DLG2: variants seen among roughly 807,000 people sequenced by gnomAD.
DLG2 encodes discs large MAGUK scaffold protein 2.
A neutral mutation model predicts 132.5 loss-of-function variants in DLG2; 45 were observed. That is an observed-to-expected ratio of 0.34 (90% confidence interval 0.27 to 0.44). DLG2 has a LOEUF of 0.44. DLG2 is among the 20% of genes least tolerant of loss of function. The pLI is 1.00. For synonymous variants in DLG2, 424 were observed against 419.6 expected (o/e 1.01, Z -0.13); for missense variants, 1,045 against 1,196.9 (o/e 0.87, Z 1.87).
chr11:85,366,821 A>C (rs2084593312), intron 3 of DLG2, among the ~76,000 whole-genome samples: 1 of 152,144 alleles, frequency 6.6e-6, no homozygotes, highest in East Asian at 1.9e-4. Context: ...AGTCTTGAAT[A>C]CTATTAATCT....
chr11:83,927,025 C>A (rs573275279), intron 15 of DLG2, among the ~76,000 whole-genome samples: 18 of 152,212 alleles, frequency 1.2e-4, no homozygotes. Flanking sequence ...AAAGTAAGTT[C>A]TAGTTATTAT....
At chr11:85,426,010 G>T (rs1291543389) in intron 3 of DLG2, among the ~76,000 whole-genome samples, 1 of 152,186 alleles carries the variant, frequency 6.6e-6, no homozygotes, top group African/African-American at 2.4e-5. Flanking sequence ...TGATTCGGAG[G>T]GTCCTACCCC....
At chr11:84,752,180 G>C (rs910392437) in intron 6 of DLG2, among the ~76,000 whole-genome samples, 1 of 152,176 alleles carries the variant, frequency 6.6e-6, no homozygotes, top group Non-Finnish European at 1.5e-5. Context: ...TGGCTTTCTA[G>C]CCTTGGATCA....
chr11:84,022,853 T>C (rs940464703), intron 11 of DLG2, among the ~76,000 whole-genome samples: 1 of 152,124 alleles, frequency 6.6e-6, no homozygotes, highest in Non-Finnish European at 1.5e-5. Flanking sequence ...AAAATGTTAA[T>C]GGAATTCCTC....
chr11:84,917,973 C>T (rs1194861700), intron 6 of DLG2, among the ~76,000 whole-genome samples: 1 of 152,130 alleles, frequency 6.6e-6, no homozygotes, highest in Non-Finnish European at 1.5e-5. Flanking sequence ...TCGAACGGTC[C>T]ATACATTGTG....
At chr11:85,202,899 G>A (rs1440650112) in intron 4 of DLG2, among the ~76,000 whole-genome samples, 1 of 151,632 alleles carries the variant, frequency 6.6e-6, no homozygotes, top group African/African-American at 2.4e-5. Context: ...AGTGAAAGCA[G>A]TACTCTAAGG....
chr11:84,508,496 G>A (rs1410323497), intron 7 of DLG2, among the ~76,000 whole-genome samples: 3 of 150,086 alleles, frequency 2.0e-5, no homozygotes, highest in Non-Finnish European at 3.0e-5. Flanking sequence ...TCCGTCTCCC[G>A]GGTTCAAGCC....
At chr11:84,768,369 G>A (rs59706172) in intron 6 of DLG2, among the ~76,000 whole-genome samples, 9,671 of 152,182 alleles carry the variant, frequency 0.064, 376 homozygotes, top group Non-Finnish European at 0.093. Flanking sequence ...ACCATTAAAT[G>A]TAAAAGAATT....
At position 85,138,995 on chromosome 11, in the gene DLG2, T is replaced by C. The variant is rs150015644; in HGVS notation, c.282+15561A>G. Among the ~76,000 whole-genome samples the C allele has an allele frequency of 3.9e-5, 6 of 152,178 alleles. No homozygotes were observed. In the East Asian group the frequency reaches 5.8e-4, roughly 15 times the overall value. ...TGTTGTTTCTTCTGCCAGAAACTGT[T>C]TTTCCCTGGATTTGCACATGGCTGG... On this transcript the variant is annotated intron_variant, in intron 5 of 27. Coordinates refer to ENST00000376104, the MANE Select transcript of DLG2 (RefSeq NM_001142699.3).
chr11:85,275,293 T>C (rs915312219), intron 4 of DLG2, among the ~76,000 whole-genome samples: 19 of 152,152 alleles, frequency 1.2e-4, no homozygotes, highest in African/African-American at 4.6e-4. Flanking sequence ...ATATCTGGTA[T>C]TATATTCATG....
intron 6 of DLG2, among the ~76,000 whole-genome samples, chr11:85,104,265 T>G (rs1025182594): frequency 1.3e-5 from 2 of 151,880 alleles, no homozygotes; most frequent in African/African-American, 4.8e-5. Flanking sequence ...CACAAAAATA[T>G]TCATAGTAGC....
intron 6 of DLG2, among the ~76,000 whole-genome samples, chr11:84,629,437 A>G (rs11234100): frequency 1.3e-5 from 2 of 152,078 alleles, no homozygotes; most frequent in Non-Finnish European, 2.9e-5. Context: ...GGAGATTAGC[A>G]GCATCTCCAA....
chr11:83,550,450 C>A (rs373044848), intron 19 of DLG2, among the ~76,000 whole-genome samples: 29 of 152,286 alleles, frequency 1.9e-4, no homozygotes, highest in African/African-American at 6.7e-4. Flanking sequence ...TTTGAGCCCA[C>A]CTTCTCTTTC....
At chr11:84,510,971 T>C (rs901655450) in intron 7 of DLG2, among the ~76,000 whole-genome samples, 2 of 152,158 alleles carry the variant, frequency 1.3e-5, no homozygotes, top group East Asian at 3.8e-4. Context: ...CCTACCAGGA[T>C]AACTTCTTAC....
At chr11:84,499,360 T>C (rs530495246) in intron 7 of DLG2, among the ~76,000 whole-genome samples, 1 of 152,300 alleles carries the variant, frequency 6.6e-6, no homozygotes, top group Non-Finnish European at 1.5e-5. Context: ...GTAGTAACAA[T>C]TTAGTAGCTC....
At chr11:83,573,011 G>A (rs1208657769) in intron 19 of DLG2, among the ~76,000 whole-genome samples, 1 of 152,024 alleles carries the variant, frequency 6.6e-6, no homozygotes, top group African/African-American at 2.4e-5. Flanking sequence ...TGTTTCATGT[G>A]CCATTTAGTT....
At chr11:84,294,591 C>A (rs1365436799) in intron 7 of DLG2, among the ~76,000 whole-genome samples, 3 of 152,172 alleles carry the variant, frequency 2.0e-5, no homozygotes, top group Admixed American at 6.5e-5. Flanking sequence ...GTCTGAGACT[C>A]TGTCTCAAAA....
chr11:84,110,623 T>G (rs1467088442), intron 9 of DLG2, among the ~76,000 whole-genome samples: 1 of 152,128 alleles, frequency 6.6e-6, no homozygotes, highest in Non-Finnish European at 1.5e-5. Flanking sequence ...GGAAGATAGG[T>G]TGGAAGTATC....
chr11:83,981,189 T>G (rs34756786), intron 11 of DLG2, among the ~76,000 whole-genome samples: 6,471 of 152,260 alleles, frequency 0.042, 201 homozygotes, highest in Non-Finnish European at 0.067. Context: ...ACTGTTTATA[T>G]ACATGTAATA....
Sources: allele counts gnomAD v4.1 joint callset (sites outside exome capture counted in the v4.1 genomes callset), GRCh38; gene constraint gnomAD v4.1.1; transcripts MANE v1.5; gene names NCBI Gene and HGNC (gene_info 2026-07-23, HGNC 2026-07-21).